ZNF892: variants seen among roughly 807,000 people sequenced by gnomAD.
ZNF892 encodes the protein zinc finger protein 570-like.
the ZNF892 span, among the ~76,000 whole-genome samples, chr2:95,233,672 CAAAAAAAAAAA>C: frequency 2.8e-5 from 1 of 35,174 alleles, no homozygotes; most frequent in African/African-American, 1.3e-4. Flanking sequence ...GACTCCATCT[CAAAAAAAAAAA>C]AAAAAAAAAA....
At chr2:95,254,324 A>G in the ZNF892 span, among the ~76,000 whole-genome samples, 1 of 152,216 alleles carries the variant, frequency 6.6e-6, no homozygotes, top group African/African-American at 2.4e-5. Flanking sequence ...TCTTTTCTGC[A>G]TCTATTGAGA....
chr2:95,211,085 A>G, the ZNF892 span, among the ~76,000 whole-genome samples: 5 of 152,192 alleles, frequency 3.3e-5, no homozygotes, highest in Admixed American at 2.6e-4. Flanking sequence ...GGGAACTTTC[A>G]TAATCATTTG....
chr2:95,261,574 C>T, the ZNF892 span, among the ~76,000 whole-genome samples: 7 of 152,200 alleles, frequency 4.6e-5, no homozygotes, highest in Admixed American at 2.6e-4. Flanking sequence ...GGATTACAGG[C>T]GTGAGCCACC....
At chr2:95,220,626 A>G in the ZNF892 span, among the ~76,000 whole-genome samples, 15 of 152,198 alleles carry the variant, frequency 9.9e-5, no homozygotes, top group African/African-American at 3.1e-4. Flanking sequence ...GGTGCTTGAC[A>G]CTGAAATCAC....
chr2:95,239,000 G>A, the ZNF892 span, among the ~76,000 whole-genome samples: 11 of 152,070 alleles, frequency 7.2e-5, no homozygotes, highest in Non-Finnish European at 1.3e-4. Context: ...TTAGCAGGGC[G>A]TGGTGGCGCG....
chr2:95,240,670 C>G, the ZNF892 span, among the ~76,000 whole-genome samples: 1 of 152,176 alleles, frequency 6.6e-6, no homozygotes, highest in Non-Finnish European at 1.5e-5. Flanking sequence ...TTCTGCAGGC[C>G]CCACTTCCAT....
the ZNF892 span, among the ~76,000 whole-genome samples, chr2:95,240,286 ATGACT>A: frequency 3.3e-5 from 5 of 152,180 alleles, no homozygotes; most frequent in African/African-American, 4.8e-5. Context: ...GACTAGGCAA[ATGACT>A]TGACCCATGA....
the ZNF892 span, among the ~76,000 whole-genome samples, chr2:95,217,152 C>A: frequency 3.3e-5 from 5 of 152,182 alleles, no homozygotes; most frequent in South Asian, 1.0e-3. Context: ...AGATGGGGGG[C>A]CAGTTGGGAA....
chr2:95,246,100 G>A, the ZNF892 span, among the ~76,000 whole-genome samples: 2 of 152,164 alleles, frequency 1.3e-5, no homozygotes, highest in African/African-American at 4.8e-5. Flanking sequence ...GATGATCATT[G>A]ATGCAAAAAT....
At chr2:95,214,363 A>G in the ZNF892 span, 1 of 398,430 alleles carries the variant, frequency 2.5e-6, no homozygotes, top group Admixed American at 4.4e-5. Flanking sequence ...GAAAGCAAGG[A>G]GCTAACTCCA....
At chr2:95,237,446 T>A in the ZNF892 span, among the ~76,000 whole-genome samples, 1 of 152,166 alleles carries the variant, frequency 6.6e-6, no homozygotes, top group Non-Finnish European at 1.5e-5. Flanking sequence ...ATGGTGAACT[T>A]AATTGATAAA....
chr2:95,224,231 G>C, the ZNF892 span, among the ~76,000 whole-genome samples: 1 of 152,146 alleles, frequency 6.6e-6, no homozygotes, highest in Admixed American at 6.6e-5. Context: ...ATTCTCCCCA[G>C]CACTAGGCAA....
chr2:95,255,530 T>C, the ZNF892 span, among the ~76,000 whole-genome samples: 1 of 152,200 alleles, frequency 6.6e-6, no homozygotes, highest in African/African-American at 2.4e-5. Context: ...AGGTGTGGTG[T>C]GGTGCTGAAA....
the ZNF892 span, chr2:95,212,255 G>T: frequency 2.5e-6 from 1 of 398,554 alleles, no homozygotes; most frequent in Non-Finnish European, 4.4e-6. Flanking sequence ...GCTGGAGAGA[G>T]AAGTCTCAAA....
At chr2:95,248,015 C>T in the ZNF892 span, among the ~76,000 whole-genome samples, 1 of 152,044 alleles carries the variant, frequency 6.6e-6, no homozygotes. Flanking sequence ...ATAAATCATT[C>T]CACCAAAAAG....
chr2:95,232,543 T>C, the ZNF892 span, among the ~76,000 whole-genome samples: 3 of 152,188 alleles, frequency 2.0e-5, no homozygotes, highest in African/African-American at 4.8e-5. Context: ...TTGTTCTTCA[T>C]CTCTTTAAAA....
At chr2:95,245,273 CAG>C in the ZNF892 span, among the ~76,000 whole-genome samples, 3 of 103,062 alleles carry the variant, frequency 2.9e-5, no homozygotes, top group African/African-American at 1.2e-4. Context: ...TTTTTTGAGA[CAG>C]AGTCTCACTT....
chr2:95,254,405 C>A, the ZNF892 span, among the ~76,000 whole-genome samples: 13 of 152,162 alleles, frequency 8.5e-5, no homozygotes, highest in African/African-American at 3.1e-4. Context: ...ATATGTTGAA[C>A]CAGGCTTGCA....
chr2:95,228,972 A>G, the ZNF892 span, among the ~76,000 whole-genome samples: 1 of 152,128 alleles, frequency 6.6e-6, no homozygotes, highest in Admixed American at 6.5e-5. Flanking sequence ...TTTGTGTATC[A>G]TCTGTCTGTG....
Sources: allele counts gnomAD v4.1 joint callset (sites outside exome capture counted in the v4.1 genomes callset), GRCh38; gene constraint gnomAD v4.1.1; transcripts MANE v1.5; gene names NCBI Gene and HGNC (gene_info 2026-07-23, HGNC 2026-07-21).